The following CFAP43 variants were observed in gnomAD, a reference collection of about 807,000 sequenced individuals.
CFAP43 encodes the protein cilia and flagella associated protein 43.
A neutral mutation model predicts 218.9 loss-of-function variants in CFAP43; 155 were observed. The observed-to-expected ratio is 0.71, with a 90% CI of 0.62 to 0.81. CFAP43 has a LOEUF of 0.81. CFAP43 is among the 30% of genes least tolerant of loss of function. The pLI is 0.00. For missense variants in CFAP43, 1,778 were observed against 1,954.3 expected (o/e 0.91, Z 1.70); for synonymous variants, 645 against 681.3 (o/e 0.95, Z 0.83).
chr10:104,196,176 T>C (rs1240153947), intron 10 of CFAP43, among the ~76,000 whole-genome samples: 3 of 152,192 alleles, frequency 2.0e-5, no homozygotes, highest in Non-Finnish European at 2.9e-5. Context: ...AGGCATAGTG[T>C]GGAGACAGAA....
At chr10:104,171,230 G>A (rs1391524092) in intron 20 of CFAP43, among the ~76,000 whole-genome samples, 1 of 152,012 alleles carries the variant, frequency 6.6e-6, no homozygotes, top group Non-Finnish European at 1.5e-5. Context: ...TCTATTCCCA[G>A]CACCTAGATT....
chr10:104,194,839 T>C (rs1433643781), intron 10 of CFAP43, among the ~76,000 whole-genome samples: 4 of 151,974 alleles, frequency 2.6e-5, no homozygotes, highest in Non-Finnish European at 5.9e-5. Context: ...GCCAAGGAAG[T>C]CCAGCAGCTT....
chr10:104,211,327 A>G (rs1198384200), intron 5 of CFAP43, among the ~76,000 whole-genome samples: 4 of 152,218 alleles, frequency 2.6e-5, no homozygotes, highest in Non-Finnish European at 5.9e-5. Context: ...TGAGAATTAC[A>G]TGGAGCCTGC....
In CFAP43 at chr10:104,152,708, T is replaced by C; in HGVS notation, c.3559A>G (p.Lys1187Glu). The C allele has an allele frequency of 1.2e-6, 2 of 1,611,878 alleles. No homozygotes were observed. The highest frequency in any genetic ancestry group is 1.7e-6 in the Non-Finnish European group (2 of 1,179,504). ...KYRKSLEAEL[K>E]KLQNSIQEST... is the part of the protein sequence containing the mutation. ...TCTTGAATAGAGTTTTGAAGTTTCT[T>C]CAGTTCTGCTTCTAATGACTAAAAG... Residue 1187 changes from lysine (K) to glutamate (E), a missense_variant, in exon 28 of 38, where the codon AAG becomes GAG. Physicochemically the swap from Lys to Glu is moderately conservative, Grantham distance 56 (BLOSUM62 1). Around this residue, in one of 3 missense-constraint regions of CFAP43, gnomAD observed 1,553 missense variants for 1,685.2 expected, o/e 0.92. Transcript: ENST00000357060.
chr10:104,227,916 G>A (rs371618374), intron 2 of CFAP43, among the ~76,000 whole-genome samples: 109 of 134,676 alleles, frequency 8.1e-4, no homozygotes, highest in African/African-American at 3.0e-3. Context: ...GCGTGATCTC[G>A]GCTCGCTGCA....
intron 19 of CFAP43, among the ~76,000 whole-genome samples, chr10:104,177,989 A>T (rs1360943642): frequency 1.3e-5 from 2 of 152,264 alleles, no homozygotes; most frequent in African/African-American, 4.8e-5. Flanking sequence ...GCAGCAGGGC[A>T]TCATTCACAG....
intron 16 of CFAP43, 87 bp downstream of exon 16, chr10:104,184,929 G>A (rs1293588075): frequency 2.1e-5 from 32 of 1,527,842 alleles, no homozygotes; most frequent in South Asian, 7.7e-5. Flanking sequence ...CTCCCAGCAC[G>A]TTGGCCTTGC....
chr10:104,131,728 G>A (rs2087204910), intron 36 of CFAP43, among the ~76,000 whole-genome samples: 1 of 152,152 alleles, frequency 6.6e-6, no homozygotes, highest in East Asian at 1.9e-4. Context: ...TATTTTAAAA[G>A]CTTGAGATTG....
At position 104,217,517 on chromosome 10, in the gene CFAP43, T is replaced by G. The variant is rs1049464293; in HGVS notation, c.417-3091A>C. Among the ~76,000 whole-genome samples, 4 of 152,194 alleles carry G rather than the reference T, an allele frequency of 2.6e-5. 1 individual carries two copies. Among genetic ancestry groups the G allele is most frequent in the Admixed American group, 2.6e-4 (4 of 15,268 alleles). On this transcript the variant is annotated intron_variant, in intron 3 of 37. Coordinates refer to ENST00000357060, the MANE Select transcript of CFAP43 (RefSeq NM_025145.7). ...TTCTCTACAGCACTCGCATGCTACA[T>G]AGGACCCACTCCGGCACCCATGTCT... is the stretch of plus-strand genomic sequence containing the variant.
At chr10:104,202,045 G>C (rs1029518594) in intron 8 of CFAP43, among the ~76,000 whole-genome samples, 4 of 152,118 alleles carry the variant, frequency 2.6e-5, no homozygotes, top group African/African-American at 9.7e-5. Flanking sequence ...TGTAGTCTCT[G>C]CCACAACTAT....
chr10:104,230,157 T>TA (rs2135020931), intron 2 of CFAP43, among the ~76,000 whole-genome samples: 1 of 149,506 alleles, frequency 6.7e-6, no homozygotes, highest in South Asian at 2.1e-4. Context: ...ATTCCTTCTT[T>TA]AAAAATGTAT....
intron 32 of CFAP43, 138 bp from the exon 33 acceptor site, chr10:104,142,531 T>A (rs1401422819): frequency 1.8e-6 from 1 of 556,758 alleles, no homozygotes; most frequent in African/African-American, 1.9e-5. Flanking sequence ...TAAATTTAAA[T>A]GTCTAAAACT....
intron 3 of CFAP43, among the ~76,000 whole-genome samples, chr10:104,221,639 G>C (rs529235335): frequency 3.9e-5 from 6 of 152,188 alleles, no homozygotes; most frequent in Non-Finnish European, 7.3e-5. Flanking sequence ...ATGGGATTTT[G>C]TGACAGCTTA....
intron 27 of CFAP43, among the ~76,000 whole-genome samples, chr10:104,160,065 A>G (rs972709430): frequency 6.6e-6 from 1 of 152,146 alleles, no homozygotes; most frequent in Non-Finnish European, 1.5e-5. Context: ...AGGTGCAGAG[A>G]AGGCAGAGTA....
chr10:104,205,227 A>AAG (rs1554885943), intron 7 of CFAP43, among the ~76,000 whole-genome samples: 80 of 151,272 alleles, frequency 5.3e-4, no homozygotes, highest in African/African-American at 1.9e-3. Flanking sequence ...AAAAAAAAAA[A>AAG]AAAAAAAAGA....
chr10:104,143,604 C>A lies in CFAP43; in HGVS notation c.3980G>T (p.Ser1327Ile), dbSNP rs762528402. The A allele has an allele frequency of 6.2e-7, 1 of 1,614,218 alleles. No homozygotes were observed. Among genetic ancestry groups the A allele is most frequent in the Non-Finnish European group, 8.5e-7 (1 of 1,180,042 alleles). The stretch of plus-strand genomic sequence containing the variant: ...TGGTAGTTCTCCGAAAGGGACAACG[C>A]TGGTTGTTTCTGAGTGCGTTTTCTG... Reference protein sequence around the residue: ...SKQKTHSETTSVVPFGELPGS... With the variant: ...SKQKTHSETTIVVPFGELPGS... The change falls in exon 32 of 38, where the codon AGC becomes ATC. Residue 1327 changes from serine to isoleucine, a missense_variant. Coordinates refer to ENST00000357060, the MANE Select transcript of CFAP43 (RefSeq NM_025145.7).
chr10:104,204,887 T>G (rs369469790), intron 7 of CFAP43, among the ~76,000 whole-genome samples: 1 of 152,068 alleles, frequency 6.6e-6, no homozygotes, highest in East Asian at 1.9e-4. Flanking sequence ...TTCCACACCT[T>G]AGCATTGTTT....
chr10:104,213,273 A>G (rs2090916893), intron 4 of CFAP43, among the ~76,000 whole-genome samples: 1 of 152,212 alleles, frequency 6.6e-6, no homozygotes, highest in Non-Finnish European at 1.5e-5. Context: ...TCAAAATTGC[A>G]ATTTCAAGGG....
intron 12 of CFAP43, 121 bp downstream of exon 12, chr10:104,192,076 TTC>T (rs1280492605): frequency 2.8e-6 from 2 of 722,564 alleles, no homozygotes; most frequent in Non-Finnish European, 4.4e-6. Flanking sequence ...ATTTAAAGGT[TTC>T]TCTTTCAGAA....
Sources: gnomAD v4.1 joint callset for allele counts (sites outside exome capture counted in the v4.1 genomes callset) on GRCh38, gnomAD v4.1.1 for gene constraint, gnomAD v4.1.1 regional missense constraint, MANE v1.5 for transcripts, NCBI Gene and HGNC (gene_info 2026-07-23, HGNC 2026-07-21) for gene names.